Variants in TXNRD1 observed in about 807,000 individuals in gnomAD.
TXNRD1 encodes the protein thioredoxin reductase 1, also known as thioredoxin reductase 1, cytoplasmic.
A neutral mutation model predicts 80.3 loss-of-function variants in TXNRD1; 57 were observed. The ratio of observed to expected loss-of-function variants is 0.71; its 90% CI spans 0.57 to 0.89. The LOEUF (loss-of-function observed/expected upper bound fraction) is 0.89. Ranked by LOEUF, TXNRD1 falls within the 40% of genes least tolerant of loss-of-function variation. TXNRD1 has a pLI of 0.00. For missense variants in TXNRD1, 730 were observed against 803.0 expected (o/e 0.91, Z 1.10); for synonymous variants, 291 against 285.2 (o/e 1.02, Z -0.20).
At chr12:104,234,221 G>C (rs994266791) in intron 1 of TXNRD1, among the ~76,000 whole-genome samples, 27 of 152,300 alleles carry the variant, frequency 1.8e-4, no homozygotes, top group African/African-American at 6.0e-4. Flanking sequence ...GATGATACTT[G>C]CATTTTGCCA....
chr12:104,259,734 C>T (rs577031793), intron 3 of TXNRD1, among the ~76,000 whole-genome samples: 81 of 151,902 alleles, frequency 5.3e-4, no homozygotes, highest in Non-Finnish European at 8.7e-4. Context: ...GTGAGCCGCC[C>T]GCCTCAGCCT....
At chr12:104,341,389 G>A (rs2036318794) in intron 16 of TXNRD1, among the ~76,000 whole-genome samples, 1 of 152,186 alleles carries the variant, frequency 6.6e-6, no homozygotes, top group Non-Finnish European at 1.5e-5. Context: ...TGCCGTGCTG[G>A]ACACTGGGGA....
At chr12:104,255,420 C>T (rs1249203194) in intron 2 of TXNRD1, among the ~76,000 whole-genome samples, 1 of 152,062 alleles carries the variant, frequency 6.6e-6, no homozygotes, top group Non-Finnish European at 1.5e-5. Context: ...CCTATATTTC[C>T]CCCAGTTTTA....
chr12:104,304,064 T>C (rs1593792963), intron 4 of TXNRD1: 1 of 1,613,866 alleles, frequency 6.2e-7, no homozygotes, highest in South Asian at 1.1e-5. Context: ...CCGCAGGCAG[T>C]ACCGGCAGCT....
chr12:104,328,780 G>C (rs924838397), intron 13 of TXNRD1, among the ~76,000 whole-genome samples: 1 of 140,714 alleles, frequency 7.1e-6, no homozygotes, highest in Non-Finnish European at 1.5e-5. Context: ...AAAAAAAAAA[G>C]GAAAATATCT....
intron 1 of TXNRD1, 55 bp downstream of exon 1, chr12:104,215,948 C>A: frequency 1.4e-6 from 2 of 1,470,234 alleles, no homozygotes; most frequent in South Asian, 2.5e-5. Flanking sequence ...AGCGGGCCTT[C>A]CGGCCGGGGT....
intron 10 of TXNRD1, among the ~76,000 whole-genome samples, chr12:104,324,353 G>GTT (rs199989955): frequency 2.2e-4 from 26 of 120,130 alleles, no homozygotes; most frequent in African/African-American, 3.4e-4. Context: ...GGTGGGTTTC[G>GTT]TTTTTTTTTT....
At position 104,251,529 on chromosome 12, in the gene TXNRD1, A is replaced by G. The variant is rs1475543368; in HGVS notation, c.94A>G (p.Lys32Glu). Residue 32 changes from lysine (K) to glutamate (E), a missense_variant and splice_region_variant, in exon 2 of 17, where the codon AAA becomes GAA. Lys to Glu is a moderately conservative substitution (Grantham distance 56). Transcript: ENST00000525566. Reference protein sequence around the residue: ...KNGDGRRRSAKDHHPGKTLPE... With the variant: ...KNGDGRRRSAEDHHPGKTLPE... ...ATCCTTACTTCCATTACTTCTAGCTAAAGATCATCACCCTGGTAAAACTTT... is the reference window on the plus strand; with the variant it reads ...ATCCTTACTTCCATTACTTCTAGCTGAAGATCATCACCCTGGTAAAACTTT... 6.2e-7 allele frequency: 1 copy of G among 1,613,412 alleles called. No individual in the cohort carries two copies. Among genetic ancestry groups the G allele is most frequent in the East Asian group, 2.2e-5 (1 of 44,890 alleles).
intron 3 of TXNRD1, 165 bp downstream of exon 3, chr12:104,258,244 A>G: frequency 3.5e-6 from 2 of 572,672 alleles, no homozygotes; most frequent in Non-Finnish European, 6.1e-6. Flanking sequence ...TCCTGGAGCT[A>G]ATCATATTCA....
chr12:104,229,144 C>CTTTTT (rs56077479), intron 1 of TXNRD1, among the ~76,000 whole-genome samples: 40 of 106,056 alleles, frequency 3.8e-4, no homozygotes, highest in East Asian at 7.7e-4. Context: ...CATTACTTTT[C>CTTTTT]TTTTTTTTTT....
chr12:104,267,416 T>A (rs1019828403), intron 3 of TXNRD1, among the ~76,000 whole-genome samples: 3 of 151,468 alleles, frequency 2.0e-5, no homozygotes, highest in Non-Finnish European at 4.4e-5. Context: ...TAGATGGGAG[T>A]ACAGGTATGT....
chr12:104,298,913 A>G (rs775884905), intron 4 of TXNRD1, among the ~76,000 whole-genome samples: 3 of 151,986 alleles, frequency 2.0e-5, no homozygotes, highest in Non-Finnish European at 4.4e-5. Flanking sequence ...CATTCACTGT[A>G]GTAATTATAT....
intron 3 of TXNRD1, among the ~76,000 whole-genome samples, chr12:104,258,965 T>C (rs1280088157): frequency 6.6e-6 from 1 of 152,074 alleles, no homozygotes; most frequent in Non-Finnish European, 1.5e-5. Context: ...GCCAGCACCA[T>C]CATTTCTATT....
chr12:104,315,934 T>TG, intron 7 of TXNRD1, 38 bp downstream of exon 7: 1 of 1,585,004 alleles, frequency 6.3e-7, no homozygotes. Context: ...TTTGTGCTTT[T>TG]GGGGGTTTGA....
chr12:104,288,940 G>T lies in TXNRD1; in HGVS notation c.314G>T (p.Arg105Leu), dbSNP rs2034076908. Reference sequence around the variant, plus strand: ...CTTTTGTGCCACACAGAGGACGGTCGGGCCCTGGAAGGAACGCTCTCGGAA... The same window carrying T: ...CTTTTGTGCCACACAGAGGACGGTCTGGCCCTGGAAGGAACGCTCTCGGAA... ...VLELDQTEDG[R>L]ALEGTLSELA... Residue 105 changes from arginine to leucine, a missense_variant, in exon 4 of 17, where the codon CGG becomes CTG. By Grantham distance (102) the Arg-to-Leu change is moderately radical. Coordinates refer to ENST00000525566, the MANE Select transcript of TXNRD1 (RefSeq NM_001093771.3). The T allele has an allele frequency of 6.2e-7, 1 of 1,613,916 alleles. No homozygotes were observed.
chr12:104,245,956 C>CA (rs1014643368), intron 1 of TXNRD1, among the ~76,000 whole-genome samples: 2 of 149,598 alleles, frequency 1.3e-5, no homozygotes, highest in African/African-American at 4.9e-5. Flanking sequence ...AAACAAAATA[C>CA]AAAAAAATTA....
intron 1 of TXNRD1, among the ~76,000 whole-genome samples, chr12:104,242,398 A>G (rs1286868738): frequency 1.3e-5 from 2 of 151,816 alleles, no homozygotes; most frequent in Non-Finnish European, 2.9e-5. Context: ...AAACACAACA[A>G]TTAGCCAGGC....
chr12:104,288,676 A>G, intron 3 of TXNRD1: 4 of 1,209,640 alleles, frequency 3.3e-6, no homozygotes, highest in Non-Finnish European at 4.4e-6. Flanking sequence ...CCTGACTAGA[A>G]CTCTGACGTT....
intron 3 of TXNRD1, among the ~76,000 whole-genome samples, chr12:104,269,398 TC>T (rs1202055046): frequency 1.6e-5 from 2 of 128,330 alleles, no homozygotes; most frequent in Non-Finnish European, 1.7e-5. Context: ...TGTGTTTCTT[TC>T]TTTTTTTTTT....
Sources: allele counts gnomAD v4.1 joint callset (sites outside exome capture counted in the v4.1 genomes callset), GRCh38; gene constraint gnomAD v4.1.1; transcripts MANE v1.5; gene names NCBI Gene and HGNC (gene_info 2026-07-23, HGNC 2026-07-21).